The following CADPS variants were observed in gnomAD, a reference collection of about 807,000 sequenced individuals.
CADPS encodes calcium dependent secretion activator.
In CADPS, 57 loss-of-function variants were observed where a neutral mutation model predicts 167.3. The observed-to-expected ratio is 0.34, with a 90% confidence interval of 0.28 to 0.42. The LOEUF is 0.42. Ranked by LOEUF, CADPS falls within the 20% of genes least tolerant of loss-of-function variation. The probability of loss-of-function intolerance (pLI) is 1.00; values close to 1 mark genes in which losing one functional copy is unlikely to be tolerated. For missense variants in CADPS, 1,414 were observed against 1,738.1 expected (o/e 0.81, Z 3.32); for synonymous variants, 676 against 635.3 (o/e 1.06, Z -0.96).
chr3:62,661,325 C>T (rs2073151670), intron 4 of CADPS, among the ~76,000 whole-genome samples: 2 of 151,862 alleles, frequency 1.3e-5, no homozygotes, highest in African/African-American at 4.8e-5. Flanking sequence ...CTGCTAAGCT[C>T]TTAGAGAAGG....
chr3:62,677,533 G>C (rs1472945397), intron 3 of CADPS, among the ~76,000 whole-genome samples: 1 of 152,104 alleles, frequency 6.6e-6, no homozygotes, highest in Non-Finnish European at 1.5e-5. Flanking sequence ...ATAGTGGGTA[G>C]AGGCCTGGGG....
intron 11 of CADPS, among the ~76,000 whole-genome samples, chr3:62,540,415 G>C (rs1349241883): frequency 6.6e-6 from 1 of 151,994 alleles, no homozygotes; most frequent in Non-Finnish European, 1.5e-5. Flanking sequence ...TCTTAGAGGA[G>C]CCAGGTCCTC....
At chr3:62,513,352 C>A (rs971186139) in intron 16 of CADPS, among the ~76,000 whole-genome samples, 1 of 152,012 alleles carries the variant, frequency 6.6e-6, no homozygotes, top group African/African-American at 2.4e-5. Context: ...TAGGGTTACA[C>A]ACAAGCAAAG....
intron 26 of CADPS, among the ~76,000 whole-genome samples, chr3:62,452,908 G>A (rs898477888): frequency 6.6e-6 from 1 of 152,124 alleles, no homozygotes; most frequent in Non-Finnish European, 1.5e-5. Flanking sequence ...GAAACCAGGA[G>A]TTCAAGACCA....
chr3:62,506,592 G>A (rs1469351516), intron 17 of CADPS, among the ~76,000 whole-genome samples: 1 of 152,202 alleles, frequency 6.6e-6, no homozygotes, highest in African/African-American at 2.4e-5. Context: ...CATGGACATT[G>A]TGTTGGAAAT....
intron 28 of CADPS, among the ~76,000 whole-genome samples, chr3:62,413,517 C>T (rs952839788): frequency 1.3e-5 from 2 of 152,236 alleles, no homozygotes; most frequent in African/African-American, 4.8e-5. Context: ...TGAAATAAGT[C>T]AGTCACGAAA....
At chr3:62,631,528 C>T (rs2149709096) in intron 6 of CADPS, among the ~76,000 whole-genome samples, 1 of 152,308 alleles carries the variant, frequency 6.6e-6, no homozygotes, top group East Asian at 1.9e-4. Context: ...CAAGATCCTG[C>T]ACAAATATAA....
At chr3:62,599,727 A>AATATAATATATATATT (rs1562707868) in intron 6 of CADPS, among the ~76,000 whole-genome samples, 2 of 8,386 alleles carry the variant, frequency 2.4e-4, no homozygotes, top group African/African-American at 3.8e-4. Context: ...TAATATATAT[A>AATATAATATATATATT]GTATATATAA....
intron 1 of CADPS, among the ~76,000 whole-genome samples, chr3:62,842,364 C>T (rs2076764363): frequency 6.6e-6 from 1 of 152,190 alleles, no homozygotes; most frequent in Non-Finnish European, 1.5e-5. Flanking sequence ...GATTGGAATT[C>T]AGGTTGTCAA....
intron 1 of CADPS, among the ~76,000 whole-genome samples, chr3:62,783,028 G>A (rs2091926642): frequency 6.6e-6 from 1 of 152,142 alleles, no homozygotes; most frequent in Non-Finnish European, 1.5e-5. Flanking sequence ...CGAAAGTGCT[G>A]GGATTACAGG....
intron 3 of CADPS, among the ~76,000 whole-genome samples, chr3:62,687,345 T>G (rs2078235631): frequency 6.6e-6 from 1 of 152,080 alleles, no homozygotes; most frequent in African/African-American, 2.4e-5. Context: ...AGGGAATTTG[T>G]GAAACAGTCC....
intron 3 of CADPS, among the ~76,000 whole-genome samples, chr3:62,677,103 C>T (rs1229967167): frequency 6.6e-6 from 1 of 152,128 alleles, no homozygotes; most frequent in African/African-American, 2.4e-5. Flanking sequence ...CCTCTGCAAA[C>T]CCCTCTAGAG....
At chr3:62,526,369 A>G (rs2072225456) in intron 13 of CADPS, among the ~76,000 whole-genome samples, 1 of 152,178 alleles carries the variant, frequency 6.6e-6, no homozygotes, top group African/African-American at 2.4e-5. Flanking sequence ...TGCTGATACA[A>G]TGTACTTTCT....
At chr3:62,496,402 G>A (rs1296119044) in intron 18 of CADPS, among the ~76,000 whole-genome samples, 1 of 152,206 alleles carries the variant, frequency 6.6e-6, no homozygotes, top group South Asian at 2.1e-4. Context: ...ACAGGTGGTA[G>A]TGCCTTTCTG....
At chr3:62,669,140 A>G (rs1305733641) in intron 3 of CADPS, among the ~76,000 whole-genome samples, 1 of 152,178 alleles carries the variant, frequency 6.6e-6, no homozygotes. Flanking sequence ...ACCTGGGTTT[A>G]GCTTGTTTTC....
At chr3:62,560,886 C>T (rs1265815363) in intron 9 of CADPS, among the ~76,000 whole-genome samples, 2 of 152,052 alleles carry the variant, frequency 1.3e-5, no homozygotes, top group East Asian at 3.9e-4. Flanking sequence ...TGAGACCAGC[C>T]TGGCTAACAT....
chr3:62,462,627 A>C (rs1300158988), intron 26 of CADPS, among the ~76,000 whole-genome samples: 4 of 152,220 alleles, frequency 2.6e-5, no homozygotes, highest in Non-Finnish European at 5.9e-5. Context: ...GAATTGAATC[A>C]GAAATGGGAG....
intron 3 of CADPS, among the ~76,000 whole-genome samples, chr3:62,745,835 G>T (rs945960732): frequency 6.6e-6 from 1 of 152,220 alleles, no homozygotes; most frequent in African/African-American, 2.4e-5. Context: ...TGAGCATTGT[G>T]CTAAGTGTTG....
chr3:62,874,753 T>A lies in CADPS; in HGVS notation c.277A>T (p.Ser93Cys). The A allele has an allele frequency of 6.7e-7, 1 of 1,498,296 alleles. No individual in the cohort carries two copies. The highest frequency in any genetic ancestry group is 9.1e-7 in the Non-Finnish European group (1 of 1,103,124). The allele number at this position is 1,498,296 out of a possible 1,614,324, so 92.8% of individuals were successfully genotyped here. The change falls in exon 1 of 30, where the codon AGC (serine) becomes TGC (cysteine). Residue 93 changes from serine to cysteine, a missense_variant. Coordinates refer to ENST00000383710, the MANE Select transcript of CADPS (RefSeq NM_003716.4). The surrounding 1 kb of genome is among the most constrained non-coding windows in gnomAD (Gnocchi z 7.1). ...RAGGGRPSSP[S>C]PSVVSEKEKE... Reference sequence around the variant, plus strand: ...TCCTTCTCGCTCACCACCGACGGGCTGGGGCTGGAGGGCCGGCCGCCGCCA... The same window carrying A: ...TCCTTCTCGCTCACCACCGACGGGCAGGGGCTGGAGGGCCGGCCGCCGCCA...
Sources: allele counts gnomAD v4.1 joint callset (sites outside exome capture counted in the v4.1 genomes callset), GRCh38; gene constraint gnomAD v4.1.1; non-coding constraint Gnocchi (gnomAD v3.1); transcripts MANE v1.5; gene names NCBI Gene and HGNC (gene_info 2026-07-23, HGNC 2026-07-21).